The following RBM19 variants were observed in gnomAD, a reference collection of about 807,000 sequenced individuals.
RBM19 encodes RNA binding motif protein 19, also known as probable RNA-binding protein 19.
In RBM19, 94 loss-of-function variants were observed where a neutral mutation model predicts 116.8. The ratio of observed to expected loss-of-function variants is 0.80; its 90% CI spans 0.68 to 0.95. RBM19 has a LOEUF of 0.95. RBM19 is among the 40% of genes least tolerant of loss of function. The pLI, the probability that RBM19 is intolerant of heterozygous loss-of-function variation, is 0.00. For missense variants in RBM19, 1,161 were observed against 1,220.7 expected (o/e 0.95, Z 0.73); for synonymous variants, 475 against 494.1 (o/e 0.96, Z 0.51).
intron 21 of RBM19, among the ~76,000 whole-genome samples, chr12:113,875,775 G>A (rs953865806): frequency 1.3e-5 from 2 of 152,228 alleles, no homozygotes; most frequent in African/African-American, 4.8e-5. Context: ...CATTTGCAAA[G>A]TTCACGCAGA....
At chr12:113,866,385 T>G (rs1382563887) in intron 21 of RBM19, among the ~76,000 whole-genome samples, 1 of 152,214 alleles carries the variant, frequency 6.6e-6, no homozygotes, top group African/African-American at 2.4e-5. Flanking sequence ...CAGGCAAGCA[T>G]GACCCTCTCT....
At chr12:113,922,932 G>A (rs1317198205) in intron 18 of RBM19, among the ~76,000 whole-genome samples, 2 of 152,144 alleles carry the variant, frequency 1.3e-5, no homozygotes, top group African/African-American at 4.8e-5. Context: ...TCAGGAGTTC[G>A]AGACCAGCCT....
chr12:113,827,442 T>A (rs1293800131), intron 23 of RBM19, among the ~76,000 whole-genome samples: 1 of 124,580 alleles, frequency 8.0e-6, no homozygotes, highest in East Asian at 2.6e-4. Context: ...GTCTCTCCCT[T>A]CCCTGGCTGG....
At chr12:113,894,506 T>C (rs1262284778) in intron 21 of RBM19, among the ~76,000 whole-genome samples, 1 of 152,188 alleles carries the variant, frequency 6.6e-6, no homozygotes, top group Non-Finnish European at 1.5e-5. Flanking sequence ...GCAGGCACAG[T>C]GCCTCTCCCC....
chr12:113,820,516 G>T (rs569878324), downstream of RBM19, among the ~76,000 whole-genome samples: 2 of 152,206 alleles, frequency 1.3e-5, no homozygotes, highest in South Asian at 2.1e-4. Flanking sequence ...TGAGCAGCGG[G>T]ACTCGACTTT....
At chr12:113,846,176 C>T (rs1164713072) in intron 22 of RBM19, among the ~76,000 whole-genome samples, 3 of 152,128 alleles carry the variant, frequency 2.0e-5, no homozygotes, top group Admixed American at 6.5e-5. Context: ...TGGAGAGCAA[C>T]GGTGGCTAAG....
intron 23 of RBM19, among the ~76,000 whole-genome samples, chr12:113,824,296 A>G (rs1426182213): frequency 2.0e-5 from 3 of 152,176 alleles, no homozygotes; most frequent in Non-Finnish European, 4.4e-5. Context: ...CTAAGCCCAC[A>G]GTCTTTCTGC....
intron 17 of RBM19, 90 bp downstream of exon 17, chr12:113,926,964 G>C (rs1281963901): frequency 5.7e-6 from 8 of 1,413,548 alleles, no homozygotes; most frequent in Non-Finnish European, 9.6e-7. Context: ...CACGCATCAT[G>C]TTTCAGGGCA....
intron 21 of RBM19, among the ~76,000 whole-genome samples, chr12:113,859,577 T>G (rs1878197625): frequency 6.6e-6 from 1 of 152,160 alleles, no homozygotes; most frequent in Admixed American, 6.6e-5. Flanking sequence ...GGGATCAAAC[T>G]GGTAACCACG....
intron 10 of RBM19, 64 bp downstream of exon 10, chr12:113,948,769 T>C: frequency 6.4e-7 from 1 of 1,550,400 alleles, no homozygotes; most frequent in South Asian, 1.1e-5. Flanking sequence ...ACCCAGGACG[T>C]CAGAGTGAGA....
chr12:113,829,719 C>T (rs1163572362), intron 23 of RBM19, among the ~76,000 whole-genome samples: 1 of 152,196 alleles, frequency 6.6e-6, no homozygotes, highest in Non-Finnish European at 1.5e-5. Context: ...GCAGACAGGA[C>T]ACAGTAGTAG....
At chr12:113,824,467 G>A (rs1034782726) in intron 23 of RBM19, among the ~76,000 whole-genome samples, 5 of 152,146 alleles carry the variant, frequency 3.3e-5, no homozygotes, top group African/African-American at 1.2e-4. Context: ...ACTTGTCGAT[G>A]AGCAGCCTTG....
At chr12:113,849,638 C>G (rs1383290054) in intron 22 of RBM19, among the ~76,000 whole-genome samples, 1 of 152,190 alleles carries the variant, frequency 6.6e-6, no homozygotes, top group Admixed American at 6.5e-5. Flanking sequence ...GTAACCTGCA[C>G]CACTATGGCT....
chr12:113,946,100 G>GA (rs1870997862), intron 12 of RBM19, among the ~76,000 whole-genome samples, 176 bp from the exon 13 acceptor site: 1 of 152,138 alleles, frequency 6.6e-6, no homozygotes, highest in African/African-American at 2.4e-5. Context: ...ATGATGACAG[G>GA]AACCATCCCT....
intron 16 of RBM19, among the ~76,000 whole-genome samples, chr12:113,933,387 G>A (rs780046136): frequency 2.0e-4 from 30 of 152,078 alleles, no homozygotes; most frequent in African/African-American, 7.0e-4. Context: ...AACAGCACCC[G>A]CCAGGAGGGG....
At chr12:113,956,314 C>T (rs938228243) in intron 6 of RBM19, among the ~76,000 whole-genome samples, 2 of 152,110 alleles carry the variant, frequency 1.3e-5, no homozygotes, top group Admixed American at 6.5e-5. Flanking sequence ...GGTGCAGTGG[C>T]TCAGGCCTGT....
chr12:113,962,988 A>G (rs903590028), intron 1 of RBM19, among the ~76,000 whole-genome samples: 27 of 152,188 alleles, frequency 1.8e-4, no homozygotes, highest in African/African-American at 6.3e-4. Context: ...ATCAGAGAAG[A>G]TGGAAACAGA....
chr12:113,937,235 G>C (rs1870152619), intron 15 of RBM19, 99 bp from the exon 16 acceptor site: 1 of 1,426,406 alleles, frequency 7.0e-7, no homozygotes, highest in Admixed American at 2.2e-5. Flanking sequence ...GGTCACAGAG[G>C]ATGGGCAACT....
chr12:113,959,972 A>G, intron 3 of RBM19, 69 bp from the exon 4 acceptor site: 1 of 1,613,500 alleles, frequency 6.2e-7, no homozygotes, highest in East Asian at 2.2e-5. Context: ...AACTGCACTG[A>G]CCTGGGAGGG....
Sources: gnomAD v4.1 joint callset for allele counts (sites outside exome capture counted in the v4.1 genomes callset) on GRCh38, gnomAD v4.1.1 for gene constraint, MANE v1.5 for transcripts, NCBI Gene and HGNC (gene_info 2026-07-23, HGNC 2026-07-21) for gene names.